The following SCYL2 variants were observed in gnomAD, a reference collection of about 807,000 sequenced individuals.
The protein encoded by SCYL2 is SCY1-like protein 2.
A neutral mutation model predicts 100.4 loss-of-function variants in SCYL2; 36 were observed. The ratio of observed to expected loss-of-function variants is 0.36; its 90% CI spans 0.27 to 0.47. The LOEUF (loss-of-function observed/expected upper bound fraction) is 0.47, where lower values mean the gene tolerates loss of function less well. Among genes scored for constraint, SCYL2 ranks in the 20% least tolerant of loss-of-function variants. The pLI, the probability that SCYL2 is intolerant of heterozygous loss-of-function variation, is 1.00. For synonymous variants in SCYL2, 330 were observed against 359.2 expected, an observed-to-expected ratio of 0.92 and a Z score of 0.92; for missense variants, 902 against 1,083.9, an observed-to-expected ratio of 0.83 and a Z score of 2.36.
At chr12:100,285,059 CTT>C (rs1004294768) in intron 2 of SCYL2, among the ~76,000 whole-genome samples, 4 of 152,146 alleles carry the variant, frequency 2.6e-5, no homozygotes, top group South Asian at 2.1e-4. Flanking sequence ...TTTTTAATAA[CTT>C]ATGTTCAGCA....
intron 3 of SCYL2, among the ~76,000 whole-genome samples, chr12:100,295,093 G>C (rs1209696580): frequency 4.0e-5 from 6 of 150,800 alleles, no homozygotes; most frequent in Admixed American, 4.0e-4. Context: ...CCACATCTCA[G>C]ATGATGGGCG....
intron 4 of SCYL2, among the ~76,000 whole-genome samples, chr12:100,307,585 G>A (rs2096336202): frequency 6.6e-6 from 1 of 152,030 alleles, no homozygotes; most frequent in African/African-American, 2.4e-5. Flanking sequence ...TAGGCATGGG[G>A]AAAGACTTCA....
chr12:100,316,950 A>G (rs1011421807), intron 9 of SCYL2, among the ~76,000 whole-genome samples: 1 of 152,102 alleles, frequency 6.6e-6, no homozygotes, highest in African/African-American at 2.4e-5. Context: ...AACAAATACA[A>G]AAATAAGCCA....
Position 100,339,526 on chromosome 12 carries a change from A to T in SCYL2, c.*354A>T, listed in dbSNP as rs1049338956. ...TGGTGTTATTTAAAAAATTGAGGTGATGGTCATTGCAAGCTCATCTATTAA... is the reference window on the plus strand; with the variant it reads ...TGGTGTTATTTAAAAAATTGAGGTGTTGGTCATTGCAAGCTCATCTATTAA... On this transcript the variant is annotated 3_prime_UTR_variant, in exon 18 of 18. Coordinates refer to ENST00000360820, the MANE Select transcript of SCYL2 (RefSeq NM_017988.6). 6.6e-5 allele frequency: 17 copies of T among 256,754 alleles called. No homozygotes were observed. The highest frequency in any genetic ancestry group is 1.5e-4 in the Admixed American group (3 of 19,618). The allele number at this position is 256,754 out of a possible 1,614,324, so 15.9% of individuals were successfully genotyped here.
intron 1 of SCYL2, among the ~76,000 whole-genome samples, chr12:100,269,418 A>G (rs1285025588): frequency 6.6e-6 from 1 of 152,100 alleles, no homozygotes; most frequent in African/African-American, 2.4e-5. Flanking sequence ...ATATGTTCTT[A>G]CCACACCATT....
Position 100,267,777 on chromosome 12 carries a change from A to G in SCYL2, c.-44A>G, listed in dbSNP as rs2096280620. On this transcript the variant is annotated 5_prime_UTR_variant, in exon 1 of 18. Transcript: ENST00000360820. Reference sequence around the variant, plus strand: ...GTAGTACCTTTCGGGGACATTGGACACTACTCTAGGACCGGGTGAGAGAGT... The same window carrying G: ...GTAGTACCTTTCGGGGACATTGGACGCTACTCTAGGACCGGGTGAGAGAGT... 3.3e-5 allele frequency: 5 copies of G among 152,090 alleles called. No individual in the cohort carries two copies. The highest frequency in any genetic ancestry group is 3.3e-4 in the Admixed American group (5 of 15,262). 9.4% of individuals were successfully genotyped at this position (152,090 alleles called of 1,614,324 possible). A position where few individuals can be genotyped will look rare whatever the true frequency, so the allele number is the denominator to read the frequency against.
chr12:100,311,215 T>C, intron 5 of SCYL2, 22 bp downstream of exon 5: 1 of 1,574,620 alleles, frequency 6.4e-7, no homozygotes, highest in Non-Finnish European at 8.6e-7. Flanking sequence ...TTTAGTCTTC[T>C]AATTTTTGAG....
In SCYL2 at chr12:100,304,383, G is replaced by A. The variant is rs922500638; in HGVS notation, c.480+6208G>A. ...GTGCTTGAAACCCAGGGTCCTGGTG[G>A]TGTAGGTACCTGAGGGAATCTCCTG... On this transcript the variant is annotated intron_variant, in intron 4 of 17. Coordinates refer to ENST00000360820, the MANE Select transcript of SCYL2 (RefSeq NM_017988.6). Among the ~76,000 whole-genome samples the A allele has an allele frequency of 1.9e-4, 29 of 152,292 alleles. 1 individual carries two copies. Among genetic ancestry groups the A allele is most frequent in the African/African-American group, 6.5e-4 (27 of 41,572 alleles).
chr12:100,322,207 C>G (rs1406925213), intron 10 of SCYL2, among the ~76,000 whole-genome samples: 1 of 150,552 alleles, frequency 6.6e-6, no homozygotes, highest in Non-Finnish European at 1.5e-5. Context: ...CCCGTCTCTA[C>G]TAAAAAATAC....
chr12:100,277,890 T>C (rs1445249747), intron 1 of SCYL2, among the ~76,000 whole-genome samples: 1 of 152,130 alleles, frequency 6.6e-6, no homozygotes, highest in Non-Finnish European at 1.5e-5. Context: ...TTGTTATTTT[T>C]ATTTTGTTAT....
chr12:100,298,656 T>C (rs1337865511), intron 4 of SCYL2, among the ~76,000 whole-genome samples: 1 of 152,088 alleles, frequency 6.6e-6, no homozygotes, highest in Non-Finnish European at 1.5e-5. Flanking sequence ...AACCTCCAGC[T>C]CCCTGCAACT....
chr12:100,283,550 G>C (rs1041951612), intron 2 of SCYL2, among the ~76,000 whole-genome samples: 2 of 152,192 alleles, frequency 1.3e-5, no homozygotes, highest in East Asian at 3.9e-4. Flanking sequence ...TCAACGTTAA[G>C]TGCGTCTTAG....
At chr12:100,326,982 A>G (rs575863712) in intron 12 of SCYL2, among the ~76,000 whole-genome samples, 1 of 152,304 alleles carries the variant, frequency 6.6e-6, no homozygotes, top group African/African-American at 2.4e-5. Flanking sequence ...GAATATCATG[A>G]TAGCATGTAG....
chr12:100,320,718 A>G (rs1407017434), intron 10 of SCYL2, among the ~76,000 whole-genome samples: 1 of 152,046 alleles, frequency 6.6e-6, no homozygotes, highest in Non-Finnish European at 1.5e-5. Context: ...ACAGCATGGC[A>G]CTTTCCAGTC....
rs1283598580 is a variant in SCYL2, at chr12:100,337,513, G to A, written c.2145+7G>A. On this transcript the variant is annotated splice_region_variant and intron_variant, in intron 17 of 17. Coordinates refer to ENST00000360820, the MANE Select transcript of SCYL2 (RefSeq NM_017988.6). ...TGTTGCTACTGTTAAACAGGTCAGAGTTCATTTCTTTTGTGTAATTTCCAG... is the reference window on the plus strand; with the variant it reads ...TGTTGCTACTGTTAAACAGGTCAGAATTCATTTCTTTTGTGTAATTTCCAG... The A allele has an allele frequency of 3.7e-6, 6 of 1,613,338 alleles. No individual in the cohort carries two copies. The highest frequency in any genetic ancestry group is 5.1e-6 in the Non-Finnish European group (6 of 1,179,454).
intron 14 of SCYL2, among the ~76,000 whole-genome samples, chr12:100,335,053 A>G (rs1026045522): frequency 2.0e-5 from 3 of 152,170 alleles, no homozygotes; most frequent in Non-Finnish European, 2.9e-5. Context: ...GAAGTATTCT[A>G]TAGTGTGTAT....
chr12:100,338,830 C>G lies in SCYL2; in HGVS notation c.2448C>G (p.Asn816Lys). Residue 816 changes from asparagine (N) to lysine (K), a missense_variant, in exon 18 of 18, where the codon AAC becomes AAG. Physicochemically the swap from Asn to Lys is moderately conservative, Grantham distance 94. Coordinates refer to ENST00000360820, the MANE Select transcript of SCYL2 (RefSeq NM_017988.6). ...MTLGTPPTLP[N>K]FNALSVPPAG... ...TGGGAACACCTCCCACTTTGCCAAA[C>G]TTCAATGCTTTGAGTGTTCCTCCTG... The G allele has an allele frequency of 6.2e-7, 1 of 1,614,178 alleles. No homozygotes were observed. Among genetic ancestry groups the G allele is most frequent in the South Asian group, 1.1e-5 (1 of 91,080 alleles).
intron 1 of SCYL2, among the ~76,000 whole-genome samples, chr12:100,275,654 C>T (rs1300976516): frequency 1.3e-5 from 2 of 151,966 alleles, no homozygotes; most frequent in East Asian, 1.9e-4. Flanking sequence ...CTTTGCAGTC[C>T]GAATGCCTTT....
At chr12:100,312,410 G>A (rs2096343239) in intron 5 of SCYL2, 22 bp from the exon 6 acceptor site, 1 of 1,515,462 alleles carries the variant, frequency 6.6e-7, no homozygotes, top group East Asian at 2.3e-5. Flanking sequence ...AGTAACCCAT[G>A]TAATTCCTTT....
Sources: gnomAD v4.1 joint callset for allele counts (sites outside exome capture counted in the v4.1 genomes callset) on GRCh38, gnomAD v4.1.1 for gene constraint, MANE v1.5 for transcripts, NCBI Gene and HGNC (gene_info 2026-07-23, HGNC 2026-07-21) for gene names.